The following PCDHGA6 variants were observed in gnomAD, a reference collection of about 807,000 sequenced individuals.
PCDHGA6 encodes the protein protocadherin gamma-A6.
A neutral mutation model predicts 60.6 loss-of-function variants in PCDHGA6; 41 were observed. That is an observed-to-expected ratio of 0.68 (90% CI 0.53 to 0.88). The LOEUF (loss-of-function observed/expected upper bound fraction) is 0.88, where lower values mean the gene tolerates loss of function less well. Ranked by LOEUF, PCDHGA6 falls within the 40% of genes least tolerant of loss-of-function variation. The pLI, the probability that PCDHGA6 is intolerant of heterozygous loss-of-function variation, is 0.00. For missense variants in PCDHGA6, 1,312 were observed against 1,203.0 expected (o/e 1.09, Z -1.34); for synonymous variants, 594 against 524.4 (o/e 1.13, Z -1.81).
At position 141,374,279 on chromosome 5, in the gene PCDHGA6, A is replaced by G; in HGVS notation, c.196A>G (p.Ile66Val). 1 of 1,614,000 alleles carries G rather than the reference A, an allele frequency of 6.2e-7. No individual in the cohort carries two copies. Among genetic ancestry groups the G allele is most frequent in the Non-Finnish European group, 8.5e-7 (1 of 1,179,878 alleles). The change falls in exon 1 of 4, where the codon ATC becomes GTC. Residue 66 changes from isoleucine (I) to valine (V), a missense_variant. By Grantham distance (29) the Ile-to-Val change is conservative (BLOSUM62 3). Transcript: ENST00000517434. ...PQELAEHGVR[I>V]VSRGRMQLFS... ...GGAGTTGGCGGAGCACGGAGTCCGC[A>G]TCGTCTCCAGAGGTAGGATGCAGCT...
At chr5:141,405,145 G>A (rs772542898) in intron 1 of PCDHGA6, 4 of 1,613,952 alleles carry the variant, frequency 2.5e-6, no homozygotes, top group African/African-American at 2.7e-5. Context: ...CCAGTGATGG[G>A]TTGGCTGGTG....
At chr5:141,423,800 T>A in intron 1 of PCDHGA6, 2 of 895,132 alleles carry the variant, frequency 2.2e-6, no homozygotes, top group Non-Finnish European at 2.9e-6. Flanking sequence ...TTTAGAGCAA[T>A]ACATGTGAGT....
At position 141,486,873 on chromosome 5, in the gene PCDHGA6, G is replaced by A. The variant is rs769661146; in HGVS notation, c.2425-7934G>A. On this transcript the variant is annotated intron_variant, in intron 1 of 3. Transcript: ENST00000517434. This position sits in a 1 kb window ranked among gnomAD's most constrained non-coding sequence, Gnocchi z 5.0. ...AATGACAATGCTCCAGCTGTGCTCCGTCCTCGGGCCCGGCCTGGTTCCTTA... is the reference window on the plus strand; with the variant it reads ...AATGACAATGCTCCAGCTGTGCTCCATCCTCGGGCCCGGCCTGGTTCCTTA... 1.6e-5 allele frequency: 26 copies of A among 1,614,082 alleles called. No individual in the cohort carries two copies. Among genetic ancestry groups the A allele is most frequent in the African/African-American group, 4.0e-5 (3 of 74,922 alleles).
intron 2 of PCDHGA6, among the ~76,000 whole-genome samples, chr5:141,499,265 C>T (rs1220250999): frequency 6.6e-6 from 1 of 152,128 alleles, no homozygotes; most frequent in African/African-American, 2.4e-5. Context: ...CATTTGGTCC[C>T]TAGACTGTTC....
chr5:141,480,021 C>G (rs1415230863), intron 1 of PCDHGA6, among the ~76,000 whole-genome samples: 1 of 152,208 alleles, frequency 6.6e-6, no homozygotes, highest in Non-Finnish European at 1.5e-5. Context: ...AATCTCCTTT[C>G]TAAGCCTCTT....
At chr5:141,419,762 AAGGACTCG>A (rs1468964539) in intron 1 of PCDHGA6, 2 of 1,614,008 alleles carry the variant, frequency 1.2e-6, no homozygotes, top group South Asian at 2.2e-5. Context: ...TTTGGGTGAC[AAGGACTCG>A]GTCCGCCAGC....
In PCDHGA6 at chr5:141,406,998, A is replaced by G. The variant is rs138992041; in HGVS notation, c.2424+30491A>G. ...AACATTTCACAAGACATTTGAAAAT[A>G]AGCTTTGAAGTTGACTCAAAATTCT... On this transcript the variant is annotated intron_variant, in intron 1 of 3. Transcript: ENST00000517434. 7.5e-3 allele frequency among the ~76,000 whole-genome samples: 1,140 copies of G among 152,352 alleles called. 5 individuals carry two copies. The highest frequency in any genetic ancestry group is 0.012 in the Non-Finnish European group (837 of 68,024).
intron 1 of PCDHGA6, among the ~76,000 whole-genome samples, chr5:141,459,724 T>C (rs1440632046): frequency 6.6e-6 from 1 of 152,250 alleles, no homozygotes; most frequent in Non-Finnish European, 1.5e-5. Context: ...TGCTTCCTAT[T>C]GTCAATTTTT....
intron 1 of PCDHGA6, chr5:141,403,237 CTG>C (rs1436614562): frequency 1.2e-6 from 2 of 1,613,942 alleles, no homozygotes; most frequent in Admixed American, 1.7e-5. Flanking sequence ...GGGAGGAGCT[CTG>C]TGCTCAGAGC....
intron 1 of PCDHGA6, among the ~76,000 whole-genome samples, chr5:141,444,229 T>G (rs957213677): frequency 4.6e-5 from 6 of 130,226 alleles, no homozygotes; most frequent in Admixed American, 9.4e-5. Context: ...TGGAGTGCAA[T>G]GGCATGCTCT....
At chr5:141,392,668 C>T in intron 1 of PCDHGA6, 2 of 849,812 alleles carry the variant, frequency 2.4e-6, no homozygotes, top group Admixed American at 3.2e-5. Flanking sequence ...CACAAACTAA[C>T]TGCTGGACTG....
chr5:141,379,862 T>G (rs1157385498), intron 1 of PCDHGA6, among the ~76,000 whole-genome samples: 2 of 150,480 alleles, frequency 1.3e-5, no homozygotes, highest in African/African-American at 4.9e-5. Flanking sequence ...TATTGTCTTA[T>G]TCTTATTTTA....
intron 1 of PCDHGA6, among the ~76,000 whole-genome samples, chr5:141,450,503 T>G (rs1196541899): frequency 3.3e-5 from 5 of 152,258 alleles, no homozygotes; most frequent in Admixed American, 6.5e-5. Context: ...TTGTTTGTTT[T>G]GAGATGGAGT....
chr5:141,388,775 G>A (rs1187741321), intron 1 of PCDHGA6: 1 of 1,613,726 alleles, frequency 6.2e-7, no homozygotes, highest in Non-Finnish European at 8.5e-7. Context: ...CTAACACCGG[G>A]GAAATTACTG....
chr5:141,498,390 T>C (rs2099783500), intron 2 of PCDHGA6, among the ~76,000 whole-genome samples: 1 of 151,982 alleles, frequency 6.6e-6, no homozygotes, highest in Non-Finnish European at 1.5e-5. Context: ...ATCAAGGGAA[T>C]GGCAGGGAGT....
chr5:141,451,216 A>G (rs1561943760), intron 1 of PCDHGA6, among the ~76,000 whole-genome samples: 1 of 152,204 alleles, frequency 6.6e-6, no homozygotes, highest in Non-Finnish European at 1.5e-5. Context: ...TTAGTGGCTT[A>G]AAAGAAGCAT....
intron 1 of PCDHGA6, chr5:141,382,742 A>G: frequency 1.7e-6 from 1 of 585,144 alleles, no homozygotes; most frequent in Non-Finnish European, 2.9e-6. Flanking sequence ...GAGAAACGAC[A>G]GATTGCGATA....
intron 1 of PCDHGA6, chr5:141,430,824 C>T: frequency 6.5e-7 from 1 of 1,547,704 alleles, no homozygotes; most frequent in Non-Finnish European, 8.7e-7. Flanking sequence ...CTCCTGGGGA[C>T]TCTGTGGGAG....
intron 1 of PCDHGA6, chr5:141,442,016 C>CCA (rs1561906409): frequency 4.6e-6 from 1 of 219,336 alleles, no homozygotes; most frequent in African/African-American, 2.4e-5. Context: ...GCACGATGGG[C>CCA]CACAGGAAAG....
Sources: gnomAD v4.1 joint callset for allele counts (sites outside exome capture counted in the v4.1 genomes callset) on GRCh38, gnomAD v4.1.1 for gene constraint, Gnocchi (gnomAD v3.1) non-coding constraint, MANE v1.5 for transcripts, NCBI Gene and HGNC (gene_info 2026-07-23, HGNC 2026-07-21) for gene names.